The following DSCAML1 variants were observed in gnomAD, a reference collection of about 807,000 sequenced individuals.
The protein encoded by DSCAML1 is cell adhesion molecule DSCAML1.
DSCAML1 carries 38 observed loss-of-function variants against 200.5 expected under a neutral mutation model. The observed-to-expected ratio is 0.19, with a 90% CI of 0.15 to 0.25. The LOEUF (loss-of-function observed/expected upper bound fraction) is 0.25, where lower values mean the gene tolerates loss of function less well. DSCAML1 is among the 10% of genes least tolerant of loss of function. DSCAML1 has a pLI of 1.00. For missense variants in DSCAML1, 2,223 were observed against 2,858.8 expected (o/e 0.78, Z 5.07); for synonymous variants, 1,215 against 1,165.0 (o/e 1.04, Z -0.87).
intron 32 of DSCAML1, among the ~76,000 whole-genome samples, chr11:117,430,027 A>G (rs976601648): frequency 2.0e-5 from 3 of 152,162 alleles, no homozygotes; most frequent in Non-Finnish European, 4.4e-5. Context: ...CCCTGCCTCA[A>G]TTAGCATGGC....
At chr11:117,445,198 C>CT (rs1362876095) in intron 20 of DSCAML1, among the ~76,000 whole-genome samples, 2 of 152,326 alleles carry the variant, frequency 1.3e-5, no homozygotes, top group Non-Finnish European at 2.9e-5. Context: ...AGGAGACATC[C>CT]TTTTTGGCCC....
chr11:117,626,611 C>T (rs115133148), intron 3 of DSCAML1, among the ~76,000 whole-genome samples: 2,172 of 152,226 alleles, frequency 0.014, 45 homozygotes, highest in African/African-American at 0.049. Flanking sequence ...TCTCATGGAA[C>T]GGGCATAGCA....
chr11:117,482,806 A>G (rs2048956445), intron 11 of DSCAML1, among the ~76,000 whole-genome samples: 1 of 152,192 alleles, frequency 6.6e-6, no homozygotes, highest in Non-Finnish European at 1.5e-5. Context: ...ACATTCATGG[A>G]TCCCCCTGAA....
intron 11 of DSCAML1, among the ~76,000 whole-genome samples, chr11:117,500,033 T>C (rs2049366856): frequency 6.6e-6 from 1 of 152,206 alleles, no homozygotes; most frequent in African/African-American, 2.4e-5. Context: ...TCCCTGTCAC[T>C]CTCTGCCAGA....
chr11:117,506,176 T>C (rs1336141459), intron 8 of DSCAML1, among the ~76,000 whole-genome samples: 1 of 152,128 alleles, frequency 6.6e-6, no homozygotes, highest in Non-Finnish European at 1.5e-5. Flanking sequence ...CTGTCCCCCA[T>C]GCATGTCCTA....
chr11:117,722,363 A>G (rs2054055298), intron 3 of DSCAML1, among the ~76,000 whole-genome samples: 1 of 151,806 alleles, frequency 6.6e-6, no homozygotes, highest in Admixed American at 6.6e-5. Flanking sequence ...TGTGGTTATT[A>G]GAGGCTGGGA....
chr11:117,776,740 T>C (rs778437784), intron 3 of DSCAML1, 51 bp downstream of exon 3: 30 of 1,608,398 alleles, frequency 1.9e-5, no homozygotes, highest in Middle Eastern at 1.7e-4. Context: ...CTTTATCCAG[T>C]CCCCACAGAG....
intron 3 of DSCAML1, among the ~76,000 whole-genome samples, chr11:117,613,021 A>AG (rs1555190300): frequency 6.6e-6 from 1 of 152,172 alleles, no homozygotes; most frequent in Non-Finnish European, 1.5e-5. Context: ...CCTAGGGTCC[A>AG]TGGATGGGCT....
At chr11:117,665,579 C>T (rs1383180891) in intron 3 of DSCAML1, among the ~76,000 whole-genome samples, 1 of 152,202 alleles carries the variant, frequency 6.6e-6, no homozygotes, top group Non-Finnish European at 1.5e-5. Context: ...GCTTAAGCTG[C>T]AATGGCTTCC....
chr11:117,628,457 A>G (rs530500988), intron 3 of DSCAML1, among the ~76,000 whole-genome samples: 97 of 152,356 alleles, frequency 6.4e-4, no homozygotes, highest in African/African-American at 2.2e-3. Context: ...CACGTGCAAA[A>G]TGTAAAATCC....
intron 26 of DSCAML1, among the ~76,000 whole-genome samples, chr11:117,436,917 T>C (rs1370872648): frequency 6.6e-6 from 1 of 152,196 alleles, no homozygotes; most frequent in Non-Finnish European, 1.5e-5. Context: ...GTAGTGGCCA[T>C]TGGTGCATCT....
rs147842360 is a variant in DSCAML1 at position 117,768,905 on chromosome 11, G to A, written c.511+7886C>T. 6.1e-3 allele frequency among the ~76,000 whole-genome samples: 916 copies of A among 150,780 alleles called. 6 individuals carry two copies. Among genetic ancestry groups the A allele is most frequent in the African/African-American group, 0.017 (698 of 41,032 alleles). On this transcript the variant is annotated intron_variant, in intron 3 of 32. Transcript: ENST00000651296. ...GAGTTTTAAAATATGGTGAAACCCC[G>A]TCTCTACTAAAAATACAAAAATTAG...
chr11:117,789,048 G>C (rs770297875), intron 1 of DSCAML1, among the ~76,000 whole-genome samples: 16 of 152,136 alleles, frequency 1.1e-4, no homozygotes, highest in African/African-American at 3.6e-4. Context: ...ACCAAAAAAC[G>C]CTCCCCATTT....
intron 1 of DSCAML1, among the ~76,000 whole-genome samples, chr11:117,813,640 G>A (rs567669686): frequency 1.8e-4 from 28 of 152,006 alleles, no homozygotes; most frequent in South Asian, 1.0e-3. Flanking sequence ...ATACAAAACC[G>A]TATCCAGGCC....
intron 3 of DSCAML1, among the ~76,000 whole-genome samples, chr11:117,673,117 T>C (rs903129939): frequency 1.4e-4 from 21 of 152,170 alleles, no homozygotes; most frequent in Non-Finnish European, 2.5e-4. Flanking sequence ...CAGAGTACCT[T>C]CTTCCAGCCG....
intron 3 of DSCAML1, among the ~76,000 whole-genome samples, chr11:117,661,895 T>TAGGGTTGAGGCCTGCCTG (rs2052862284): frequency 6.6e-6 from 1 of 152,182 alleles, no homozygotes; most frequent in Non-Finnish European, 1.5e-5. Flanking sequence ...TAGCATAGTC[T>TAGGGTTGAGGCCTGCCTG]AGGGTTGAGG....
intron 14 of DSCAML1, among the ~76,000 whole-genome samples, chr11:117,477,367 T>A (rs2048816655): frequency 6.9e-6 from 1 of 145,778 alleles, no homozygotes; most frequent in African/African-American, 2.7e-5. Flanking sequence ...TGTGTGTGTG[T>A]GTGTGTGTGT....
chr11:117,542,356 A>C (rs533428), intron 3 of DSCAML1, among the ~76,000 whole-genome samples: 115,372 of 147,846 alleles, frequency 0.78, 45,195 homozygotes, highest in Middle Eastern at 0.87. Context: ...ACAACAACAA[A>C]AAAAAAACAG....
intron 3 of DSCAML1, among the ~76,000 whole-genome samples, chr11:117,714,918 G>A (rs1337222763): frequency 6.7e-6 from 1 of 149,636 alleles, no homozygotes; most frequent in African/African-American, 2.5e-5. Flanking sequence ...GGCCCCAGCC[G>A]TCCAAGTGTC....
Sources: gnomAD v4.1 joint callset for allele counts (sites outside exome capture counted in the v4.1 genomes callset) on GRCh38, gnomAD v4.1.1 for gene constraint, MANE v1.5 for transcripts, NCBI Gene and HGNC (gene_info 2026-07-23, HGNC 2026-07-21) for gene names.